The following NTM variants were observed in gnomAD, a reference collection of about 807,000 sequenced individuals.
NTM encodes the protein neurotrimin.
A neutral mutation model predicts 42.1 loss-of-function variants in NTM; 13 were observed. The observed-to-expected ratio is 0.31, with a 90% CI of 0.20 to 0.49. NTM has a LOEUF of 0.49. Among genes scored for constraint, NTM ranks in the 20% least tolerant of loss-of-function variants. NTM has a pLI of 0.99. For synonymous variants in NTM, 187 were observed against 179.2 expected, an observed-to-expected ratio of 1.04 and a Z score of -0.35; for missense variants, 373 against 452.8, an observed-to-expected ratio of 0.82 and a Z score of 1.60.
At chr11:132,072,344 G>C (rs1172599625) in intron 2 of NTM, among the ~76,000 whole-genome samples, 1 of 152,190 alleles carries the variant, frequency 6.6e-6, no homozygotes, top group Non-Finnish European at 1.5e-5. Context: ...GAAGTAGGGA[G>C]GGGTAGGGGT....
chr11:131,690,731 C>G (rs1304666877), intron 1 of NTM, among the ~76,000 whole-genome samples: 1 of 152,182 alleles, frequency 6.6e-6, no homozygotes, highest in African/African-American at 2.4e-5. Flanking sequence ...GGGTGCTAAG[C>G]GTAGGCCGTG....
At chr11:131,372,518 A>C (rs960984469) in intron 1 of NTM, among the ~76,000 whole-genome samples, 5 of 152,020 alleles carry the variant, frequency 3.3e-5, no homozygotes, top group Admixed American at 6.5e-5. Flanking sequence ...GGGGAAGCTG[A>C]GTTCAGGATC....
intron 4 of NTM, among the ~76,000 whole-genome samples, chr11:132,295,738 T>C (rs896424922): frequency 6.6e-6 from 1 of 152,138 alleles, no homozygotes; most frequent in Non-Finnish European, 1.5e-5. Flanking sequence ...CCCAGAGATG[T>C]AGGCAAGAGC....
chr11:131,416,443 C>CCT (rs1565479622), intron 1 of NTM, among the ~76,000 whole-genome samples: 1 of 152,210 alleles, frequency 6.6e-6, no homozygotes, highest in Non-Finnish European at 1.5e-5. Flanking sequence ...CACACGGTTG[C>CCT]CTCTCCCTGA....
At chr11:131,799,269 C>T (rs190407972) in intron 1 of NTM, among the ~76,000 whole-genome samples, 57 of 152,218 alleles carry the variant, frequency 3.7e-4, no homozygotes, top group African/African-American at 5.1e-4. Context: ...TTGAAACTAT[C>T]GCATACTAAT....
intron 4 of NTM, among the ~76,000 whole-genome samples, chr11:132,273,903 A>G (rs993840563): frequency 6.6e-6 from 1 of 152,144 alleles, no homozygotes; most frequent in African/African-American, 2.4e-5. Flanking sequence ...GTGAAACTCC[A>G]TCTCAAAACA....
chr11:131,886,080 C>T (rs1362059500), intron 1 of NTM, among the ~76,000 whole-genome samples: 1 of 152,160 alleles, frequency 6.6e-6, no homozygotes, highest in Non-Finnish European at 1.5e-5. Context: ...CCCTGCCAAC[C>T]AGTACAGTTT....
chr11:131,784,013 G>T (rs1235512608), intron 1 of NTM, among the ~76,000 whole-genome samples: 3 of 151,878 alleles, frequency 2.0e-5, no homozygotes, highest in Non-Finnish European at 4.4e-5. Flanking sequence ...CAATGAGAAA[G>T]ATCAATAATC....
chr11:131,577,010 AGTCATGTG>A (rs1378216205), intron 1 of NTM, among the ~76,000 whole-genome samples: 1 of 152,248 alleles, frequency 6.6e-6, no homozygotes, highest in African/African-American at 2.4e-5. Context: ...ACTAAGATAA[AGTCATGTG>A]GTATACAGGC....
intron 1 of NTM, among the ~76,000 whole-genome samples, chr11:131,520,914 C>T (rs112334486): frequency 0.016 from 2,480 of 152,214 alleles, 68 homozygotes; most frequent in African/African-American, 0.056. Flanking sequence ...TGTACAAGAG[C>T]ATGGCATCAG....
intron 4 of NTM, among the ~76,000 whole-genome samples, chr11:132,226,842 G>C (rs191760311): frequency 1.5e-3 from 225 of 152,346 alleles, no homozygotes; most frequent in African/African-American, 5.0e-3. Flanking sequence ...TTGTGAGAAA[G>C]AGCTCAGTAT....
rs778771398 is a variant in NTM, at chr11:131,801,766, G to A, written c.83-109798G>A. ...TTAATGGTGGCACGGGAACCAGGCC[G>A]CCTTGCACAAACCCGTGCTCTTCCC... On this transcript the variant is annotated intron_variant, in intron 1 of 8. Transcript: ENST00000683400. 6.4e-4 allele frequency among the ~76,000 whole-genome samples: 98 copies of A among 151,986 alleles called. 3 individuals carry two copies. The highest frequency in any genetic ancestry group is 5.9e-3 in the Admixed American group (90 of 15,258).
chr11:131,955,765 C>T (rs1199839745), intron 2 of NTM, among the ~76,000 whole-genome samples: 3 of 151,910 alleles, frequency 2.0e-5, no homozygotes, highest in Non-Finnish European at 2.9e-5. Context: ...CCAGTGCCCC[C>T]ACCAGGGACT....
intron 1 of NTM, among the ~76,000 whole-genome samples, chr11:131,785,886 C>T (rs187708333): frequency 6.6e-4 from 100 of 152,304 alleles, no homozygotes; most frequent in African/African-American, 2.3e-3. Flanking sequence ...TGGCGAGTGC[C>T]GGGGCTCAGA....
intron 1 of NTM, among the ~76,000 whole-genome samples, chr11:131,657,149 C>CAAAA (rs142930391): frequency 1.4e-5 from 2 of 142,802 alleles, no homozygotes; most frequent in Admixed American, 6.8e-5. Flanking sequence ...GAAGACCAGC[C>CAAAA]CAAAAAAAAA....
intron 2 of NTM, among the ~76,000 whole-genome samples, chr11:132,115,894 T>G (rs955581122): frequency 6.6e-6 from 1 of 152,212 alleles, no homozygotes; most frequent in Non-Finnish European, 1.5e-5. Flanking sequence ...CCTTTCTCTA[T>G]TGGGGCAAAT....
At chr11:132,291,859 G>T (rs2094459566) in intron 4 of NTM, among the ~76,000 whole-genome samples, 1 of 152,192 alleles carries the variant, frequency 6.6e-6, no homozygotes, top group South Asian at 2.1e-4. Context: ...CAGTGACTTT[G>T]GAATGGGTAG....
At chr11:131,616,376 A>G (rs1032750234) in intron 1 of NTM, among the ~76,000 whole-genome samples, 48 of 152,188 alleles carry the variant, frequency 3.2e-4, no homozygotes, top group African/African-American at 1.0e-3. Flanking sequence ...GTGGGAAATG[A>G]CCGCGGACGG....
intron 3 of NTM, among the ~76,000 whole-genome samples, chr11:132,203,791 C>A (rs925079827): frequency 4.6e-5 from 7 of 151,918 alleles, no homozygotes; most frequent in African/African-American, 1.7e-4. Flanking sequence ...CCCAGCTACT[C>A]GGGAGGCTGA....
Sources: gnomAD v4.1 joint callset for allele counts (sites outside exome capture counted in the v4.1 genomes callset) on GRCh38, gnomAD v4.1.1 for gene constraint, MANE v1.5 for transcripts, NCBI Gene and HGNC (gene_info 2026-07-23, HGNC 2026-07-21) for gene names.